Variants in ZMYND8 observed in about 807,000 individuals in gnomAD.
ZMYND8 encodes the protein zinc finger MYND-type containing 8, also known as MYND-type zinc finger-containing chromatin reader ZMYND8.
In ZMYND8, 37 loss-of-function variants were observed where a neutral mutation model predicts 140.8. The observed-to-expected ratio is 0.26, with a 90% CI of 0.20 to 0.35. The LOEUF is 0.35. ZMYND8 is among the 10% of genes least tolerant of loss of function. ZMYND8 has a pLI of 1.00. For synonymous variants in ZMYND8, 592 were observed against 597.1 expected, an observed-to-expected ratio of 0.99 and a Z score of 0.12; for missense variants, 1,068 against 1,570.0, an observed-to-expected ratio of 0.68 and a Z score of 5.40.
In ZMYND8 at chr20:47,298,626, T is replaced by C; in HGVS notation, c.453+103A>G. ...GAACAGGTGGAAAGCAAGAAATTTC[T>C]CTTTTCCATCTATCTGGATTATTTG... On this transcript the variant is annotated intron_variant, in intron 4 of 22. Transcript: ENST00000471951. This position sits in a 1 kb window ranked among gnomAD's most constrained non-coding sequence, Gnocchi z 5.0. 1 of 1,519,020 alleles carries C rather than the reference T, an allele frequency of 6.6e-7. No individual in the cohort carries two copies. The highest frequency in any genetic ancestry group is 8.8e-7 in the Non-Finnish European group (1 of 1,131,414). 94.1% of individuals were successfully genotyped at this position (1,519,020 alleles called of 1,614,324 possible).
At chr20:47,227,124 A>G in intron 18 of ZMYND8, 79 bp downstream of exon 18, 1 of 1,441,474 alleles carries the variant, frequency 6.9e-7, no homozygotes, top group South Asian at 1.1e-5. Flanking sequence ...TTGCACTCAC[A>G]TCTCGGCTTG....
At chr20:47,226,117 C>T (rs954367125) in intron 18 of ZMYND8, among the ~76,000 whole-genome samples, 1 of 148,868 alleles carries the variant, frequency 6.7e-6, no homozygotes, top group Non-Finnish European at 1.5e-5. Flanking sequence ...CATCACTGTA[C>T]TCCAACATGG....
intron 1 of ZMYND8, chr20:47,354,074 T>C (rs1462169096): frequency 6.6e-6 from 1 of 152,190 alleles, no homozygotes; most frequent in Non-Finnish European, 1.5e-5. Flanking sequence ...CATTTATTTT[T>C]TTCCCCCTTT....
chr20:47,293,347 C>A (rs781103072), intron 5 of ZMYND8, among the ~76,000 whole-genome samples: 13 of 152,238 alleles, frequency 8.5e-5, no homozygotes, highest in Non-Finnish European at 1.8e-4. Flanking sequence ...TATTTTTCTG[C>A]CATTTTCCTG....
intron 13 of ZMYND8, among the ~76,000 whole-genome samples, chr20:47,248,967 T>A (rs2073949205): frequency 1.1e-5 from 1 of 93,552 alleles, no homozygotes; most frequent in African/African-American, 5.9e-5. Flanking sequence ...GAGACACTGA[T>A]GCGTACTGAG....
intron 12 of ZMYND8, among the ~76,000 whole-genome samples, chr20:47,251,583 CA>C (rs570727691): frequency 0.05 from 6,552 of 131,668 alleles, 228 homozygotes; most frequent in African/African-American, 0.11. Flanking sequence ...ATCCTGTCTC[CA>C]AAAAAAAAAA....
At chr20:47,233,504 CA>C (rs1272276460) in intron 16 of ZMYND8, among the ~76,000 whole-genome samples, 1 of 152,158 alleles carries the variant, frequency 6.6e-6, no homozygotes, top group Non-Finnish European at 1.5e-5. Flanking sequence ...CTCAAACAGC[CA>C]CACTGAATCC....
intron 16 of ZMYND8, among the ~76,000 whole-genome samples, chr20:47,233,851 A>G (rs1051516952): frequency 6.6e-6 from 1 of 152,266 alleles, no homozygotes; most frequent in African/African-American, 2.4e-5. Context: ...CTATGCAGAC[A>G]TATTGCTACC....
chr20:47,347,965 G>C, intron 1 of ZMYND8, 39 bp from the exon 2 acceptor site: 1 of 1,606,308 alleles, frequency 6.2e-7, no homozygotes. Context: ...TAGGAAGGCT[G>C]AGAACTTGCC....
intron 12 of ZMYND8, among the ~76,000 whole-genome samples, chr20:47,257,773 T>C (rs2074861265): frequency 6.6e-6 from 1 of 152,188 alleles, no homozygotes; most frequent in African/African-American, 2.4e-5. Context: ...AATTACAGTA[T>C]AGTATAAATA....
At chr20:47,284,652 G>A (rs1569094974) in intron 8 of ZMYND8, among the ~76,000 whole-genome samples, 1 of 152,118 alleles carries the variant, frequency 6.6e-6, no homozygotes, top group African/African-American at 2.4e-5. Context: ...TCTATGTCCA[G>A]AGTAGCTAAT....
At chr20:47,221,623 CAG>C (rs2036967388) in intron 19 of ZMYND8, 149 bp from the exon 20 acceptor site, 3 of 942,602 alleles carry the variant, frequency 3.2e-6, no homozygotes. Context: ...GCCAGATTGC[CAG>C]AGTTTTCCAG....
At chr20:47,335,331 G>C (rs1157436202) in intron 2 of ZMYND8, among the ~76,000 whole-genome samples, 3 of 151,828 alleles carry the variant, frequency 2.0e-5, no homozygotes. Context: ...TCTATAAAGC[G>C]CTGGATCTCT....
At chr20:47,305,736 C>T (rs546276449) in intron 3 of ZMYND8, among the ~76,000 whole-genome samples, 2 of 152,246 alleles carry the variant, frequency 1.3e-5, no homozygotes, top group African/African-American at 4.8e-5. Context: ...AAAGATGCAC[C>T]TAAGGCCATT....
At chr20:47,296,890 G>GGGCTGCA (rs1197496003) in intron 4 of ZMYND8, among the ~76,000 whole-genome samples, 5 of 152,156 alleles carry the variant, frequency 3.3e-5, no homozygotes, top group African/African-American at 1.2e-4. Context: ...CAGGTGGTCA[G>GGGCTGCA]GGCTGCAGTG....
chr20:47,294,567 A>G, intron 5 of ZMYND8, 99 bp downstream of exon 5: 1 of 1,128,722 alleles, frequency 8.9e-7, no homozygotes, highest in Non-Finnish European at 1.3e-6. Flanking sequence ...AGGAGGCCCA[A>G]AGAATACATC....
rs1442502776 is a variant in ZMYND8 at position 47,221,386 on chromosome 20, T to C, written c.3345A>G (p.Ser1115=). 1 of 1,614,246 alleles carries C rather than the reference T, an allele frequency of 6.2e-7. No individual in the cohort carries two copies. Among genetic ancestry groups the C allele is most frequent in the South Asian group, 1.1e-5 (1 of 91,086 alleles). ...SSQGSSSSTQ[S]APSETASASK... ...AGGCGCTGGCCGTTTCTGAAGGTGCTGATTGTGTGCTCGAGGAGCTCCCCT... is the reference window on the plus strand; with the variant it reads ...AGGCGCTGGCCGTTTCTGAAGGTGCCGATTGTGTGCTCGAGGAGCTCCCCT... Residue 1115 remains serine (S), a synonymous_variant, in exon 20 of 23, where the codon TCA becomes TCG. Coordinates refer to ENST00000471951, the MANE Select transcript of ZMYND8 (RefSeq NM_001281775.3).
intron 11 of ZMYND8, among the ~76,000 whole-genome samples, chr20:47,265,487 C>A (rs2075452712): frequency 6.6e-6 from 1 of 152,212 alleles, no homozygotes; most frequent in Non-Finnish European, 1.5e-5. Context: ...GTTGCCCAAG[C>A]TGGAATGCAG....
rs746972465 is a variant in ZMYND8, at chr20:47,310,226, A to G, written c.86-22T>C. 1.1e-5 allele frequency: 18 copies of G among 1,580,978 alleles called. No individual in the cohort carries two copies. In the East Asian group the frequency reaches 3.6e-4, roughly 31 times the overall value. On this transcript the variant is annotated intron_variant, in intron 2 of 22. Coordinates refer to ENST00000471951, the MANE Select transcript of ZMYND8 (RefSeq NM_001281775.3). Reference sequence around the variant, plus strand: ...GGATCTGAAAGAGATACAGGACCACAGGTTTTAAAGCAGTCAGGGAGGCCT... The same window carrying G: ...GGATCTGAAAGAGATACAGGACCACGGGTTTTAAAGCAGTCAGGGAGGCCT...
Sources: gnomAD v4.1 joint callset for allele counts (sites outside exome capture counted in the v4.1 genomes callset) on GRCh38, gnomAD v4.1.1 for gene constraint, Gnocchi (gnomAD v3.1) non-coding constraint, MANE v1.5 for transcripts, NCBI Gene and HGNC (gene_info 2026-07-23, HGNC 2026-07-21) for gene names.